KIFAP3: variants seen among roughly 807,000 people sequenced by gnomAD.
The protein encoded by KIFAP3 is kinesin-associated protein 3.
A neutral mutation model predicts 106.5 loss-of-function variants in KIFAP3; 68 were observed. The observed-to-expected ratio is 0.64, with a 90% confidence interval of 0.53 to 0.78. The LOEUF (loss-of-function observed/expected upper bound fraction) is 0.78, where lower values mean the gene tolerates loss of function less well. Ranked by LOEUF, KIFAP3 falls within the 30% of genes least tolerant of loss-of-function variation. The pLI is 0.00. For synonymous variants in KIFAP3, 320 were observed against 311.5 expected (o/e 1.03, Z -0.29); for missense variants, 780 against 941.8 (o/e 0.83, Z 2.25).
Position 170,024,237 on chromosome 1 carries a change from T to C in KIFAP3, c.1020+181A>G, listed in dbSNP as rs868711926. Reference sequence around the variant, plus strand: ...TTTTATTCAGAAAGCTTCAATCACCTGGAATATTAACTAATATGGAATACA... The same window carrying C: ...TTTTATTCAGAAAGCTTCAATCACCCGGAATATTAACTAATATGGAATACA... On this transcript the variant is annotated intron_variant, in intron 9 of 19. Transcript: ENST00000361580. 46 of 431,106 alleles carry C rather than the reference T, an allele frequency of 1.1e-4. 1 individual carries two copies. The highest frequency in any genetic ancestry group is 8.5e-4 in the African/African-American group (42 of 49,170). The allele number at this position is 431,106 out of a possible 1,614,324, so 26.7% of individuals were successfully genotyped here.
chr1:170,031,808 G>T, intron 8 of KIFAP3, 78 bp downstream of exon 8: 1 of 861,798 alleles, frequency 1.2e-6, no homozygotes. Context: ...AGCTTTACAG[G>T]TATGATAAAA....
At chr1:170,036,896 C>A (rs1043371555) in intron 5 of KIFAP3, among the ~76,000 whole-genome samples, 3 of 152,108 alleles carry the variant, frequency 2.0e-5, no homozygotes, top group Non-Finnish European at 2.9e-5. Flanking sequence ...AAAGACAACA[C>A]AAAATTAATT....
At chr1:170,065,426 A>G (rs1015198784) in intron 1 of KIFAP3, among the ~76,000 whole-genome samples, 20 of 152,052 alleles carry the variant, frequency 1.3e-4, no homozygotes, top group African/African-American at 4.3e-4. Context: ...ATCCTGGCTA[A>G]CATGGTGAAA....
At chr1:169,987,742 GATAA>G (rs1666903792) in intron 11 of KIFAP3, among the ~76,000 whole-genome samples, 1 of 152,048 alleles carries the variant, frequency 6.6e-6, no homozygotes, top group African/African-American at 2.4e-5. Flanking sequence ...ACTGTTCTAG[GATAA>G]AATATTAAAT....
rs538788851 is a variant in KIFAP3 at position 170,058,142 on chromosome 1, C to T, written c.33-2706G>A. Among the ~76,000 whole-genome samples, 2 of 152,206 alleles carry T rather than the reference C, an allele frequency of 1.3e-5. 1 individual carries two copies. The highest frequency in any genetic ancestry group is 4.8e-5 in the African/African-American group (2 of 41,552). ...TGTGGTTAGAGATATTATTGTGACC[C>T]TTAAGAAAGATAATAAATGCTGATG... On this transcript the variant is annotated intron_variant, in intron 1 of 19. Transcript: ENST00000361580.
rs1553203433 is a variant in KIFAP3 at position 170,049,819 on chromosome 1, C to CA, written c.165-2954dup. Among the ~76,000 whole-genome samples the CA allele has an allele frequency of 1.9e-3, 291 of 150,666 alleles. 1 individual carries two copies. Among genetic ancestry groups the CA allele is most frequent in the Middle Eastern group, 6.8e-3 (2 of 294 alleles). On this transcript the variant is annotated intron_variant, in intron 2 of 19. Transcript: ENST00000361580. ...ATCAACAAAAAACACCACCCCCCCC[C>CA]AAAAAAAACCCATACAAGGGTCATC...
chr1:169,944,426 G>C (rs1664313384), intron 19 of KIFAP3, among the ~76,000 whole-genome samples: 1 of 152,156 alleles, frequency 6.6e-6, no homozygotes, highest in African/African-American at 2.4e-5. Context: ...CCCCACAGAG[G>C]GTGTCACATC....
At chr1:169,924,990 C>T (rs1378090695) in intron 19 of KIFAP3, among the ~76,000 whole-genome samples, 3 of 152,166 alleles carry the variant, frequency 2.0e-5, no homozygotes, top group Non-Finnish European at 4.4e-5. Context: ...GCCACATCTG[C>T]TCTTGCCTTG....
intron 17 of KIFAP3, among the ~76,000 whole-genome samples, chr1:169,972,168 T>A (rs1424579831): frequency 6.6e-6 from 1 of 152,004 alleles, no homozygotes; most frequent in African/African-American, 2.4e-5. Context: ...ATTAAAAAAA[T>A]TTAATGGCCA....
intron 10 of KIFAP3, among the ~76,000 whole-genome samples, chr1:170,003,093 C>T (rs1038663956): frequency 1.3e-5 from 2 of 151,964 alleles, no homozygotes; most frequent in African/African-American, 4.8e-5. Context: ...TATTAAAGTA[C>T]AATAAAAATG....
intron 17 of KIFAP3, among the ~76,000 whole-genome samples, chr1:169,968,984 GCTGA>G (rs1342922636): frequency 6.6e-6 from 1 of 151,878 alleles, no homozygotes; most frequent in African/African-American, 2.4e-5. Context: ...ATAAAAGAGG[GCTGA>G]CTAAATTTAT....
chr1:170,018,262 T>G (rs967372952), intron 9 of KIFAP3, among the ~76,000 whole-genome samples: 6 of 152,176 alleles, frequency 3.9e-5, no homozygotes, highest in African/African-American at 1.2e-4. Context: ...AGTTAGTAGT[T>G]GCAAGACAGA....
chr1:170,071,522 T>C (rs1468553422), intron 1 of KIFAP3, among the ~76,000 whole-genome samples: 1 of 152,174 alleles, frequency 6.6e-6, no homozygotes, highest in African/African-American at 2.4e-5. Flanking sequence ...TGGCTTCCAG[T>C]GAGGGCTTTT....
chr1:169,998,435 C>T (rs1359363215), intron 10 of KIFAP3, among the ~76,000 whole-genome samples: 3 of 150,454 alleles, frequency 2.0e-5, no homozygotes, highest in Admixed American at 6.6e-5. Context: ...CACACACACA[C>T]ACCACACACA....
chr1:170,064,643 C>A (rs1463190350), intron 1 of KIFAP3, among the ~76,000 whole-genome samples: 1 of 152,136 alleles, frequency 6.6e-6, no homozygotes, highest in African/African-American at 2.4e-5. Flanking sequence ...CATGAGCCAA[C>A]ACACCTGGCT....
upstream of KIFAP3, among the ~76,000 whole-genome samples, chr1:170,079,527 T>A (rs1281582182): frequency 6.6e-6 from 1 of 151,662 alleles, no homozygotes; most frequent in Non-Finnish European, 1.5e-5. Context: ...TTTAAAAAAC[T>A]ATTAGCAATC....
At chr1:169,955,600 C>T (rs749593162) in intron 18 of KIFAP3, among the ~76,000 whole-genome samples, 2 of 152,000 alleles carry the variant, frequency 1.3e-5, no homozygotes, top group African/African-American at 2.4e-5. Flanking sequence ...AGTTGGCAAA[C>T]GAATTAAGTG....
upstream of KIFAP3, among the ~76,000 whole-genome samples, chr1:170,078,350 C>A (rs1006425478): frequency 6.6e-6 from 1 of 152,078 alleles, no homozygotes; most frequent in African/African-American, 2.4e-5. Flanking sequence ...ATTTCTATAC[C>A]ATTTTTGAAT....
chr1:169,992,006 T>A (rs1202371967), intron 11 of KIFAP3, 149 bp downstream of exon 11: 10 of 403,514 alleles, frequency 2.5e-5, no homozygotes, highest in Non-Finnish European at 4.0e-5. Context: ...TTTTATACAG[T>A]TCTGTACTTC....
Sources: allele counts gnomAD v4.1 joint callset (sites outside exome capture counted in the v4.1 genomes callset), GRCh38; gene constraint gnomAD v4.1.1; transcripts MANE v1.5; gene names NCBI Gene and HGNC (gene_info 2026-07-23, HGNC 2026-07-21).